Variants in QTMAN observed in about 807,000 individuals in gnomAD.
QTMAN encodes the protein tRNA-queuosine alpha-mannosyltransferase.
the QTMAN span, among the ~76,000 whole-genome samples, chr2:144,242,960 T>TAAAAAAAAAAAAAAAAAA: frequency 5.1e-5 from 4 of 77,806 alleles, 1 homozygote; most frequent in African/African-American, 2.5e-4. Context: ...AGACTCTACT[T>TAAAAAAAAAAAAAAAAAA]AAAAAAAAAA....
the QTMAN span, among the ~76,000 whole-genome samples, chr2:144,042,249 C>T: frequency 6.6e-6 from 1 of 152,040 alleles, no homozygotes; most frequent in African/African-American, 2.4e-5. Context: ...AAGGTAGTAA[C>T]TGGTTGGAAA....
At chr2:144,231,752 A>G in the QTMAN span, among the ~76,000 whole-genome samples, 1 of 152,180 alleles carries the variant, frequency 6.6e-6, no homozygotes, top group Non-Finnish European at 1.5e-5. Flanking sequence ...CACTGCAAAT[A>G]AAAATTAAAC....
chr2:143,971,340 C>T, the QTMAN span, among the ~76,000 whole-genome samples: 1 of 152,034 alleles, frequency 6.6e-6, no homozygotes, highest in Non-Finnish European at 1.5e-5. Flanking sequence ...ATAAATACAT[C>T]AAAAGGAGGT....
chr2:144,241,888 G>A, the QTMAN span, among the ~76,000 whole-genome samples: 4 of 151,860 alleles, frequency 2.6e-5, no homozygotes, highest in African/African-American at 7.3e-5. Context: ...TCATAGTAAC[G>A]AAGCTATGAG....
the QTMAN span, among the ~76,000 whole-genome samples, chr2:143,985,784 G>A: frequency 6.6e-6 from 1 of 152,040 alleles, no homozygotes; most frequent in Non-Finnish European, 1.5e-5. Flanking sequence ...GAAATTAATT[G>A]TTCATTTTTT....
At chr2:144,318,150 C>T in the QTMAN span, among the ~76,000 whole-genome samples, 1 of 150,668 alleles carries the variant, frequency 6.6e-6, no homozygotes, top group Non-Finnish European at 1.5e-5. Flanking sequence ...ATTAAATTTA[C>T]CTTATCTATA....
At chr2:144,141,029 C>T in the QTMAN span, among the ~76,000 whole-genome samples, 1 of 151,954 alleles carries the variant, frequency 6.6e-6, no homozygotes. Context: ...TTAATGCTGA[C>T]CTCTTGCATA....
chr2:143,977,491 TGA>T, the QTMAN span, among the ~76,000 whole-genome samples: 1 of 151,924 alleles, frequency 6.6e-6, no homozygotes, highest in African/African-American at 2.4e-5. Flanking sequence ...CTCCACAGAG[TGA>T]ATGTCTGAGT....
At chr2:144,223,821 T>C in the QTMAN span, among the ~76,000 whole-genome samples, 1 of 152,198 alleles carries the variant, frequency 6.6e-6, no homozygotes, top group Admixed American at 6.5e-5. Context: ...AAGATTTACC[T>C]TTCACCTTGG....
chr2:144,090,606 C>T, the QTMAN span, among the ~76,000 whole-genome samples: 2 of 151,690 alleles, frequency 1.3e-5, no homozygotes, highest in Non-Finnish European at 2.9e-5. Flanking sequence ...TCAAAGGAAA[C>T]CATAACAGCA....
chr2:143,981,176 C>T, the QTMAN span, among the ~76,000 whole-genome samples: 6 of 152,098 alleles, frequency 3.9e-5, no homozygotes, highest in Non-Finnish European at 7.4e-5. Context: ...CTTTATAATT[C>T]GTCTGAAAGA....
the QTMAN span, among the ~76,000 whole-genome samples, chr2:144,116,001 C>T: frequency 6.6e-6 from 1 of 152,020 alleles, no homozygotes; most frequent in Non-Finnish European, 1.5e-5. Flanking sequence ...TTGCTACTAC[C>T]AAGCAGGGAA....
At chr2:143,944,319 T>C in the QTMAN span, 2 of 152,242 alleles carry the variant, frequency 1.3e-5, no homozygotes, top group African/African-American at 4.8e-5. Context: ...TTATTGCTTA[T>C]GTGAACTAGT....
At chr2:144,222,128 C>T in the QTMAN span, among the ~76,000 whole-genome samples, 4 of 151,728 alleles carry the variant, frequency 2.6e-5, no homozygotes, top group East Asian at 3.9e-4. Context: ...GGCGTGATCT[C>T]GGCTCACTGC....
chr2:143,986,926 T>C, the QTMAN span, among the ~76,000 whole-genome samples: 1 of 152,132 alleles, frequency 6.6e-6, no homozygotes, highest in Non-Finnish European at 1.5e-5. Flanking sequence ...GGGTAAGAAT[T>C]GTGTGAAATA....
the QTMAN span, among the ~76,000 whole-genome samples, chr2:143,964,828 C>T: frequency 1.8e-4 from 27 of 152,080 alleles, no homozygotes; most frequent in African/African-American, 5.3e-4. Context: ...CTTCTGTCTG[C>T]GAAAACCATA....
chr2:143,958,579 A>C, the QTMAN span, among the ~76,000 whole-genome samples: 1 of 152,036 alleles, frequency 6.6e-6, no homozygotes, highest in Non-Finnish European at 1.5e-5. Context: ...GGGGAAATGT[A>C]ATTACCAGAT....
the QTMAN span, among the ~76,000 whole-genome samples, chr2:143,998,622 C>T: frequency 6.6e-6 from 1 of 151,866 alleles, no homozygotes. Context: ...TGGATTGTTT[C>T]AAAACGACTT....
At chr2:144,036,553 G>GTAC in the QTMAN span, among the ~76,000 whole-genome samples, 2,116 of 152,148 alleles carry the variant, frequency 0.014, 48 homozygotes, top group African/African-American at 0.049. Context: ...TACTATCTGT[G>GTAC]TGTCTGTAAC....
Sources: allele counts gnomAD v4.1 joint callset (sites outside exome capture counted in the v4.1 genomes callset), GRCh38; gene constraint gnomAD v4.1.1; transcripts MANE v1.5; gene names NCBI Gene and HGNC (gene_info 2026-07-23, HGNC 2026-07-21).